The following MCM2 variants were observed in gnomAD, a reference collection of about 807,000 sequenced individuals.
The protein encoded by MCM2 is DNA replication licensing factor MCM2.
MCM2 carries 49 observed loss-of-function variants against 86.4 expected under a neutral mutation model. The observed-to-expected ratio is 0.57, with a 90% CI of 0.45 to 0.72. MCM2 has a LOEUF of 0.72. MCM2 is among the 30% of genes least tolerant of loss of function. The pLI, the probability that MCM2 is intolerant of heterozygous loss-of-function variation, is 0.00. For synonymous variants in MCM2, 475 were observed against 484.6 expected, an observed-to-expected ratio of 0.98 and a Z score of 0.26; for missense variants, 1,038 against 1,259.9, an observed-to-expected ratio of 0.82 and a Z score of 2.67.
Position 127,604,532 on chromosome 3 carries a change from C to G in MCM2, c.237-76C>G. ...GGCTCCTGAACCTTAGGGAACAGGC[C>G]CAGTTCCTGGATGGGGTTTGGTGCT... is the stretch of plus-strand genomic sequence containing the variant. On this transcript the variant is annotated intron_variant, in intron 2 of 15. Coordinates refer to ENST00000265056, the MANE Select transcript of MCM2 (RefSeq NM_004526.4). The G allele has an allele frequency of 2.0e-6, 3 of 1,492,822 alleles. No individual in the cohort carries two copies. The South Asian group carries it at 3.7e-5, about 18-fold the overall frequency. 92.5% of individuals were successfully genotyped at this position (1,492,822 alleles called of 1,614,324 possible). A position where few individuals can be genotyped will look rare whatever the true frequency, so the allele number is the denominator to read the frequency against.
rs573778823 is a variant in MCM2 at position 127,617,510 on chromosome 3, C to G, written c.1900+105C>G. The G allele has an allele frequency of 1.4e-6, 2 of 1,384,274 alleles. No individual in the cohort carries two copies. The allele number at this position is 1,384,274 out of a possible 1,614,324, so 85.7% of individuals were successfully genotyped here. On this transcript the variant is annotated intron_variant, in intron 11 of 15. Transcript: ENST00000265056. The surrounding 1 kb of genome is among the most constrained non-coding windows in gnomAD (Gnocchi z 4.1). ...TCCCCAGGAGCCGATCTGAGGAAGTCATTGTGCAGCAGAGGGTTCCCCTCT... is the reference window on the plus strand; with the variant it reads ...TCCCCAGGAGCCGATCTGAGGAAGTGATTGTGCAGCAGAGGGTTCCCCTCT...
chr3:127,616,090 C>T (rs528307231), intron 9 of MCM2, 135 bp downstream of exon 9: 13 of 715,922 alleles, frequency 1.8e-5, no homozygotes, highest in Admixed American at 7.1e-5. Flanking sequence ...TCTGGCTGGG[C>T]GTGACTCATT....
At chr3:127,598,638 C>A (rs2074276565) in intron 1 of MCM2, among the ~76,000 whole-genome samples, 166 bp downstream of exon 1, 1 of 152,156 alleles carries the variant, frequency 6.6e-6, no homozygotes, top group African/African-American at 2.4e-5. Context: ...GGCGACTCGC[C>A]TACCTACCAC....
In MCM2 at chr3:127,615,767, C is replaced by T. The variant is rs1277683769; in HGVS notation, c.1429-95C>T. On this transcript the variant is annotated intron_variant, in intron 8 of 15. Transcript: ENST00000265056. ...AGCTGTGGAAGTGGGTGTCTTTGAG[C>T]TGGGGATGTCGTGGTTCCCTGATGC... 3.5e-6 allele frequency: 3 copies of T among 851,008 alleles called. No individual in the cohort carries two copies. In the African/African-American group the frequency reaches 5.0e-5, roughly 14 times the overall value. The allele number at this position is 851,008 out of a possible 1,614,324, so 52.7% of individuals were successfully genotyped here. A position where few individuals can be genotyped will look rare whatever the true frequency, so the allele number is the denominator to read the frequency against.
At chr3:127,613,669 A>G (rs1410047056) in intron 8 of MCM2, among the ~76,000 whole-genome samples, 1 of 152,242 alleles carries the variant, frequency 6.6e-6, no homozygotes, top group Non-Finnish European at 1.5e-5. Context: ...GGCCTGGCCC[A>G]CATTTTAAAA....
chr3:127,604,509 C>G, intron 2 of MCM2, 99 bp from the exon 3 acceptor site: 1 of 1,255,458 alleles, frequency 8.0e-7, no homozygotes, highest in Non-Finnish European at 1.1e-6. Context: ...CACAATGGGG[C>G]TCCTGAACCT....
chr3:127,605,187 C>G (rs1304072211), intron 4 of MCM2, 31 bp downstream of exon 4: 9 of 1,600,928 alleles, frequency 5.6e-6, no homozygotes, highest in Non-Finnish European at 6.0e-6. Context: ...CGCCTCAGCC[C>G]CTGTAGCGCC....
chr3:127,613,304 C>T (rs1225769552), intron 8 of MCM2, among the ~76,000 whole-genome samples: 1 of 152,206 alleles, frequency 6.6e-6, no homozygotes, highest in Non-Finnish European at 1.5e-5. Flanking sequence ...AGTCTTGGCA[C>T]ATCCAGCACG....
chr3:127,601,218 C>T lies in MCM2; in HGVS notation c.236+1671C>T, dbSNP rs188083114. Reference sequence around the variant, plus strand: ...TTTCTGTGTTCTTGCATGTGCAGCACTCCATTCCTTTTTGTGGCTGAATCA... The same window carrying T: ...TTTCTGTGTTCTTGCATGTGCAGCATTCCATTCCTTTTTGTGGCTGAATCA... On this transcript the variant is annotated intron_variant, in intron 2 of 15. Coordinates refer to ENST00000265056, the MANE Select transcript of MCM2 (RefSeq NM_004526.4). Among the ~76,000 whole-genome samples the T allele has an allele frequency of 1.6e-4, 25 of 152,330 alleles. 1 individual carries two copies. In the South Asian group the frequency reaches 4.6e-3, roughly 28 times the overall value.
chr3:127,621,279 G>C (rs575455973), intron 15 of MCM2, 51 bp downstream of exon 15: 4 of 1,603,074 alleles, frequency 2.5e-6, no homozygotes, highest in Non-Finnish European at 2.6e-6. Flanking sequence ...CTTGGGAGCT[G>C]CCAGTCTCCT....
Position 127,599,306 on chromosome 3 carries a change from C to T in MCM2, c.7-12C>T, listed in dbSNP as rs2107684023. ...CTTCCTAGGTTTCTGACAACCGCACCTTCTCTTGCAGGAATCATCGGAATC... is the reference window on the plus strand; with the variant it reads ...CTTCCTAGGTTTCTGACAACCGCACTTTCTCTTGCAGGAATCATCGGAATC... On this transcript the variant is annotated splice_polypyrimidine_tract_variant and intron_variant, in intron 1 of 15. Coordinates refer to ENST00000265056, the MANE Select transcript of MCM2 (RefSeq NM_004526.4). 1 of 1,613,076 alleles carries T rather than the reference C, an allele frequency of 6.2e-7. No individual in the cohort carries two copies. The highest frequency in any genetic ancestry group is 1.7e-5 in the Admixed American group (1 of 60,020).
chr3:127,621,716 C>G lies in MCM2; in HGVS notation c.2658C>G (p.Phe886Leu). The G allele has an allele frequency of 6.2e-7, 1 of 1,614,152 alleles. No homozygotes were observed. The highest frequency in any genetic ancestry group is 8.5e-7 in the Non-Finnish European group (1 of 1,180,028). The part of the protein sequence containing the change: ...NLSAFYDSEL[F>L]RMNKFSHDLK... ...CTGCATTTTATGACAGTGAGCTCTT[C>G]AGGATGAACAAGTTCAGCCACGACC... The change falls in exon 16 of 16, where the codon TTC becomes TTG. Residue 886 changes from phenylalanine to leucine, a missense_variant. By Grantham distance (22) the Phe-to-Leu change is conservative (BLOSUM62 0). Transcript: ENST00000265056.
In MCM2 at chr3:127,606,787, G is replaced by A. The variant is rs758737769; in HGVS notation, c.1071G>A (p.Ser357=). The change falls in exon 6 of 16, where the codon TCG becomes TCA. Residue 357 remains serine (S), a synonymous_variant. Coordinates refer to ENST00000265056, the MANE Select transcript of MCM2 (RefSeq NM_004526.4). The surrounding 1 kb of genome is among the most constrained non-coding windows in gnomAD (Gnocchi z 4.2). ...CAGGCTCCTGTCCTGAGTGCCAGTC[G>A]GCCGGCCCCTTTGAGGTCAACATGG... The part of the protein sequence containing the change: ...VKPGSCPECQ[S]AGPFEVNMEE... The A allele has an allele frequency of 1.9e-5, 31 of 1,614,086 alleles. No homozygotes were observed. The highest frequency in any genetic ancestry group is 2.5e-5 in the Non-Finnish European group (30 of 1,180,044).
chr3:127,599,135 T>A (rs1392868724), intron 1 of MCM2, 183 bp from the exon 2 acceptor site: 1 of 648,000 alleles, frequency 1.5e-6, no homozygotes, highest in East Asian at 2.6e-5. Context: ...ATTGCTCAGC[T>A]GAGAGCATTC....
At chr3:127,611,737 C>A (rs1213686650) in intron 8 of MCM2, among the ~76,000 whole-genome samples, 1 of 128,000 alleles carries the variant, frequency 7.8e-6, no homozygotes, top group Non-Finnish European at 1.6e-5. Flanking sequence ...CTCGCTCTGT[C>A]GCCCAGGCTG....
At chr3:127,611,733 C>G (rs1260387347) in intron 8 of MCM2, among the ~76,000 whole-genome samples, 6 of 105,052 alleles carry the variant, frequency 5.7e-5, no homozygotes, top group Admixed American at 1.4e-4. Flanking sequence ...GAGTCTCGCT[C>G]TGTCGCCCAG....
chr3:127,607,903 G>A (rs1576414610), intron 6 of MCM2, among the ~76,000 whole-genome samples: 1 of 152,340 alleles, frequency 6.6e-6, no homozygotes, highest in Non-Finnish European at 1.5e-5. Context: ...GAGATAATGG[G>A]TACGAAATGA....
rs779696967 is a variant in MCM2, at chr3:127,606,140, G to T, written c.696G>T (p.Val232=). 1 of 1,614,206 alleles carries T rather than the reference G, an allele frequency of 6.2e-7. No homozygotes were observed. The highest frequency in any genetic ancestry group is 1.1e-5 in the South Asian group (1 of 91,080). ...MCKENRESLV[V]NYEDLAAREH... ...TAGAGAACCGTGAGAGCCTGGTGGT[G>T]AACTATGAGGACTTGGCAGCCAGGG... is the stretch of plus-strand genomic sequence containing the variant. The change falls in exon 5 of 16, where the codon GTG becomes GTT. Residue 232 remains valine, a synonymous_variant. Coordinates refer to ENST00000265056, the MANE Select transcript of MCM2 (RefSeq NM_004526.4). The surrounding 1 kb of genome is among the most constrained non-coding windows in gnomAD (Gnocchi z 4.2).
intron 8 of MCM2, among the ~76,000 whole-genome samples, chr3:127,611,679 T>C (rs2074396513): frequency 7.7e-6 from 1 of 129,954 alleles, no homozygotes; most frequent in East Asian, 2.4e-4. Context: ...CTTCTGCAGC[T>C]GACTTTTTTT....
Sources: allele counts gnomAD v4.1 joint callset (sites outside exome capture counted in the v4.1 genomes callset), GRCh38; gene constraint gnomAD v4.1.1; non-coding constraint Gnocchi (gnomAD v3.1); transcripts MANE v1.5; gene names NCBI Gene and HGNC (gene_info 2026-07-23, HGNC 2026-07-21).